LAMA1: variants seen among roughly 807,000 people sequenced by gnomAD.
LAMA1 encodes the protein laminin subunit alpha-1.
A neutral mutation model predicts 348.7 loss-of-function variants in LAMA1; 219 were observed. The observed-to-expected ratio is 0.63, with a 90% confidence interval of 0.56 to 0.70. The LOEUF (loss-of-function observed/expected upper bound fraction) is 0.70, where lower values mean the gene tolerates loss of function less well. Ranked by LOEUF, LAMA1 falls within the 30% of genes least tolerant of loss-of-function variation. The pLI is 0.00. For synonymous variants in LAMA1, 1,487 were observed against 1,491.0 expected, an observed-to-expected ratio of 1.00 and a Z score of 0.06; for missense variants, 3,744 against 3,888.0, an observed-to-expected ratio of 0.96 and a Z score of 0.99.
intron 61 of LAMA1, 74 bp downstream of exon 61, chr18:6,947,089 G>C (rs2057524956): frequency 1.9e-6 from 3 of 1,581,500 alleles, no homozygotes; most frequent in Admixed American, 3.3e-5. Context: ...TTGTGAATTT[G>C]AATCTGCTGT....
At chr18:7,081,181 G>A (rs904437205) in intron 1 of LAMA1, among the ~76,000 whole-genome samples, 8 of 151,972 alleles carry the variant, frequency 5.3e-5, no homozygotes, top group African/African-American at 1.9e-4. Flanking sequence ...AAAAAACCAA[G>A]GCGAGAGTAT....
In LAMA1 at chr18:6,992,653, A is replaced by C; in HGVS notation, c.5076T>G (p.Leu1692=). ...ATGTACCATTCTGTTGCATGTTCTG[A>C]AGAGTAGAATTGGGTAGTAGGAAAT... ...DEDFLLPNST[L]QNMQQNGTSL... is the part of the protein sequence containing the mutation. The change falls in exon 36 of 63, where the codon CTT becomes CTG. Residue 1692 remains leucine (L), a synonymous_variant. Transcript: ENST00000389658. The C allele has an allele frequency of 6.2e-7, 1 of 1,613,956 alleles. No homozygotes were observed. The highest frequency in any genetic ancestry group is 8.5e-7 in the Non-Finnish European group (1 of 1,179,800).
chr18:7,049,263 G>T lies in LAMA1; in HGVS notation c.589-6C>A. On this transcript the variant is annotated splice_region_variant and splice_polypyrimidine_tract_variant and intron_variant, in intron 4 of 62. Transcript: ENST00000389658. ...TTGATGAGTGATGTATGAATCTGAA[G>T]ATGAAGGCATCAAAATAGATGAATG... The T allele has an allele frequency of 6.2e-7, 1 of 1,611,808 alleles. No individual in the cohort carries two copies. The highest frequency in any genetic ancestry group is 8.5e-7 in the Non-Finnish European group (1 of 1,177,946).
intron 42 of LAMA1, among the ~76,000 whole-genome samples, chr18:6,979,656 T>C (rs931851134): frequency 3.2e-4 from 49 of 152,180 alleles, no homozygotes; most frequent in Admixed American, 5.9e-4. Flanking sequence ...TCCCAACACT[T>C]TGGGAGGCCA....
intron 16 of LAMA1, among the ~76,000 whole-genome samples, chr18:7,028,227 G>A (rs534464579): frequency 1.2e-4 from 18 of 152,302 alleles, no homozygotes; most frequent in African/African-American, 3.8e-4. Context: ...AATTAGATTG[G>A]CGTGGGAAGC....
Position 6,948,455 on chromosome 18 carries a change from G to T in LAMA1, c.8658C>A (p.Tyr2886Ter). The change falls in exon 60 of 63, where the codon TAC becomes TAA. Residue 2886 changes from tyrosine to a stop codon, truncating the protein, a stop_gained. Transcript: ENST00000389658. LOFTEE classifies it high-confidence loss of function. Reference sequence around the variant, plus strand: ...AGTATGTTCCTTCCTGGGCCACTGCGTAGCACCTGTTCACCGTGAAGGCAG... The same window carrying T: ...AGTATGTTCCTTCCTGGGCCACTGCTTAGCACCTGTTCACCGTGAAGGCAG... ...PVSAFTVNRC[Y>*]AVAQEGTYFD... 1 of 1,614,176 alleles carries T rather than the reference G, an allele frequency of 6.2e-7. No homozygotes were observed.
intron 24 of LAMA1, 113 bp from the exon 25 acceptor site, chr18:7,011,592 A>G: frequency 9.4e-7 from 1 of 1,058,646 alleles, no homozygotes; most frequent in Non-Finnish European, 1.4e-6. Flanking sequence ...TTATTAAAAC[A>G]GAAACAGTAA....
chr18:7,077,089 T>G (rs1281555186), intron 3 of LAMA1, among the ~76,000 whole-genome samples: 1 of 152,124 alleles, frequency 6.6e-6, no homozygotes, highest in African/African-American at 2.4e-5. Context: ...TAAAGAAATT[T>G]CTGAATACTA....
intron 1 of LAMA1, among the ~76,000 whole-genome samples, chr18:7,096,472 TACA>T: frequency 6.6e-6 from 1 of 151,762 alleles, no homozygotes; most frequent in Non-Finnish European, 1.5e-5. Context: ...AGCCCAGGAG[TACA>T]ACACCAGCCT....
chr18:6,997,927 A>T (rs376143752), intron 32 of LAMA1, 43 bp from the exon 33 acceptor site: 1 of 1,592,232 alleles, frequency 6.3e-7, no homozygotes, highest in Non-Finnish European at 8.6e-7. Flanking sequence ...AGTTAATGCG[A>T]TGTGGTCTGC....
intron 12 of LAMA1, 42 bp downstream of exon 12, chr18:7,037,536 G>C (rs1174140341): frequency 1.9e-6 from 3 of 1,610,306 alleles, no homozygotes; most frequent in African/African-American, 2.7e-5. Context: ...TGTTCCCTGA[G>C]ATCTTCATCT....
At chr18:6,973,979 C>G (rs973604137) in intron 46 of LAMA1, among the ~76,000 whole-genome samples, 1 of 152,118 alleles carries the variant, frequency 6.6e-6, no homozygotes, top group Non-Finnish European at 1.5e-5. Flanking sequence ...CAGAGTCTCA[C>G]TATGTTGCCC....
rs1345586925 is a variant in LAMA1, at chr18:6,942,178, T to C, written c.9129A>G (p.Leu3043=). 1 of 1,614,176 alleles carries C rather than the reference T, an allele frequency of 6.2e-7. No individual in the cohort carries two copies. Among genetic ancestry groups the C allele is most frequent in the African/African-American group, 1.3e-5 (1 of 75,046 alleles). The change falls in exon 63 of 63, where the codon CTA becomes CTG. Residue 3043 remains leucine (L), a synonymous_variant. Coordinates refer to ENST00000389658, the MANE Select transcript of LAMA1 (RefSeq NM_005559.4). ...GCACCTGCGGGCTCTTAATCAGAGC[T>C]AGCTTCCTCAAACACCCGCGGAACG... The part of the protein sequence containing the change: ...QTSFRGCLRK[L]ALIKSPQVQS...
chr18:7,035,932 C>A (rs935315688), intron 13 of LAMA1, 55 bp downstream of exon 13: 1 of 1,431,228 alleles, frequency 7.0e-7, no homozygotes, highest in South Asian at 1.2e-5. Flanking sequence ...CAGTCATAAA[C>A]TATCAGCCCA....
At chr18:6,980,419 C>T in intron 42 of LAMA1, 102 bp downstream of exon 42, 1 of 831,688 alleles carries the variant, frequency 1.2e-6, no homozygotes, top group East Asian at 2.4e-5. Context: ...CATTTTTGAG[C>T]TAAAGCCTTT....
chr18:6,964,920 C>A (rs143869606), intron 50 of LAMA1, 117 bp from the exon 51 acceptor site: 53 of 1,165,838 alleles, frequency 4.5e-5, no homozygotes, highest in Non-Finnish European at 6.2e-5. Flanking sequence ...TTAGATTCTG[C>A]GAATTTGATC....
intron 57 of LAMA1, among the ~76,000 whole-genome samples, chr18:6,952,987 C>T (rs111939103): frequency 1.8e-3 from 160 of 90,498 alleles, no homozygotes; most frequent in Non-Finnish European, 2.8e-3. Context: ...GGCGGATCCA[C>T]GCCATAGGAG....
At chr18:7,100,854 A>G (rs1368724372) in intron 1 of LAMA1, among the ~76,000 whole-genome samples, 2 of 152,134 alleles carry the variant, frequency 1.3e-5, no homozygotes, top group African/African-American at 2.4e-5. Context: ...TACTAAAAAT[A>G]CAACAATTAG....
In LAMA1 at chr18:6,966,287, C is replaced by T. The variant is rs144788432; in HGVS notation, c.6910G>A (p.Glu2304Lys). ...CRGCFGSSQN[E>K]DPSFHFDGSG... ...CCGTCAAAATGGAAGGAAGGGTCTT[C>T]ATTCTGGGAGCTGCAAAGCAGAAGA... is the stretch of plus-strand genomic sequence containing the variant. Residue 2304 changes from glutamate to lysine, a missense_variant, in exon 49 of 63, where the codon GAA (glutamate) becomes AAA (lysine). By Grantham distance (56) the Glu-to-Lys change is moderately conservative. Around this residue, in one of 3 missense-constraint regions of LAMA1, gnomAD observed 1,983 missense variants for 1,934.3 expected, o/e 1.03. Coordinates refer to ENST00000389658, the MANE Select transcript of LAMA1 (RefSeq NM_005559.4). 6.2e-7 allele frequency: 1 copy of T among 1,613,610 alleles called. No individual in the cohort carries two copies. Among genetic ancestry groups the T allele is most frequent in the Non-Finnish European group, 8.5e-7 (1 of 1,179,848 alleles).
Sources: gnomAD v4.1 joint callset for allele counts (sites outside exome capture counted in the v4.1 genomes callset) on GRCh38, gnomAD v4.1.1 for gene constraint, gnomAD v4.1.1 regional missense constraint, MANE v1.5 for transcripts, NCBI Gene and HGNC (gene_info 2026-07-23, HGNC 2026-07-21) for gene names.